Variants in TENM3 observed in about 807,000 individuals in gnomAD.
TENM3 encodes teneurin-3.
A neutral mutation model predicts 255.1 loss-of-function variants in TENM3; 63 were observed. The observed-to-expected ratio is 0.25, with a 90% CI of 0.20 to 0.30. TENM3 has a LOEUF of 0.30. TENM3 is among the 10% of genes least tolerant of loss of function. The pLI, the probability that TENM3 is intolerant of heterozygous loss-of-function variation, is 1.00. For missense variants in TENM3, 2,929 were observed against 3,461.1 expected, an observed-to-expected ratio of 0.85 and a Z score of 3.86; for synonymous variants, 1,306 against 1,322.3, an observed-to-expected ratio of 0.99 and a Z score of 0.27.
the TENM3 span, among the ~76,000 whole-genome samples, chr4:181,554,373 G>A: frequency 6.6e-6 from 1 of 152,164 alleles, no homozygotes; most frequent in Non-Finnish European, 1.5e-5. Context: ...CTTCCTGCTT[G>A]TAACTCACTC....
the TENM3 span, among the ~76,000 whole-genome samples, chr4:181,895,866 C>A: frequency 6.6e-6 from 1 of 152,000 alleles, no homozygotes; most frequent in African/African-American, 2.4e-5. Flanking sequence ...TCTATATAAA[C>A]CTTTCCCCTC....
At chr4:181,491,106 CTA>C in the TENM3 span, among the ~76,000 whole-genome samples, 110 of 151,776 alleles carry the variant, frequency 7.2e-4, 1 homozygote, top group African/African-American at 2.6e-3. Flanking sequence ...TAAAAAAAAT[CTA>C]TGGTCTACCT....
chr4:181,816,838 C>T, the TENM3 span, among the ~76,000 whole-genome samples: 1 of 152,340 alleles, frequency 6.6e-6, no homozygotes, highest in Non-Finnish European at 1.5e-5. Flanking sequence ...CTTATCCTCT[C>T]TTGGCTAGAT....
the TENM3 span, among the ~76,000 whole-genome samples, chr4:181,808,998 G>T: frequency 6.6e-6 from 1 of 152,148 alleles, no homozygotes; most frequent in Non-Finnish European, 1.5e-5. Context: ...CAAAAGCCAC[G>T]CCAAATATTT....
chr4:181,699,074 G>A, the TENM3 span, among the ~76,000 whole-genome samples: 1 of 152,098 alleles, frequency 6.6e-6, no homozygotes, highest in African/African-American at 2.4e-5. Context: ...GTGTTAGTGT[G>A]TCTACTCCAG....
chr4:182,691,197 T>G lies in TENM3; in HGVS notation c.2221+2846T>G, dbSNP rs538510017. ...ACACCCAGGAAACTCTGGTGTGTTT[T>G]CTCACTTGGGATGGTTACTGTTCTT... On this transcript the variant is annotated intron_variant, in intron 12 of 27. Transcript: ENST00000511685. Among the ~76,000 whole-genome samples, 6 of 152,378 alleles carry G rather than the reference T, an allele frequency of 3.9e-5. No homozygotes were observed. In the East Asian group the frequency reaches 7.7e-4, roughly 20 times the overall value.
At chr4:181,843,371 C>G in the TENM3 span, among the ~76,000 whole-genome samples, 1 of 152,118 alleles carries the variant, frequency 6.6e-6, no homozygotes, top group Non-Finnish European at 1.5e-5. Context: ...GTAATATGTT[C>G]AATAACTCAT....
the TENM3 span, among the ~76,000 whole-genome samples, chr4:181,987,644 G>C: frequency 4.6e-5 from 7 of 151,988 alleles, no homozygotes; most frequent in Non-Finnish European, 8.8e-5. Context: ...TTTTGGTTTC[G>C]TTATTTTTCT....
chr4:182,463,727 G>T (rs920019506), intron 3 of TENM3, among the ~76,000 whole-genome samples: 2 of 151,858 alleles, frequency 1.3e-5, no homozygotes, highest in African/African-American at 4.8e-5. Context: ...GGGTTCAAGT[G>T]ATTCTCCTGC....
At chr4:181,764,282 CA>C in the TENM3 span, among the ~76,000 whole-genome samples, 1 of 152,062 alleles carries the variant, frequency 6.6e-6, no homozygotes, top group African/African-American at 2.4e-5. Flanking sequence ...GCATGGTTGG[CA>C]AACATGGTAA....
chr4:181,563,494 A>G, the TENM3 span, among the ~76,000 whole-genome samples: 2 of 152,194 alleles, frequency 1.3e-5, no homozygotes, highest in Admixed American at 6.5e-5. Flanking sequence ...AGATATTGCT[A>G]TTGAACATCA....
chr4:182,561,946 A>G (rs908317793), intron 3 of TENM3, among the ~76,000 whole-genome samples: 2 of 151,978 alleles, frequency 1.3e-5, no homozygotes, highest in African/African-American at 4.8e-5. Context: ...GCATATATGT[A>G]TATAAACAAT....
intron 12 of TENM3, among the ~76,000 whole-genome samples, chr4:182,691,726 TAC>T (rs1757021573): frequency 6.6e-6 from 1 of 152,210 alleles, no homozygotes; most frequent in African/African-American, 2.4e-5. Context: ...AGGAGAAATC[TAC>T]TTTTAGCAAT....
chr4:182,564,413 C>T (rs1338158379), intron 3 of TENM3, among the ~76,000 whole-genome samples: 2 of 152,114 alleles, frequency 1.3e-5, no homozygotes. Flanking sequence ...CTTGGCCTCC[C>T]AAAGTGCTGG....
chr4:182,776,031 A>C (rs1208082565), intron 24 of TENM3, among the ~76,000 whole-genome samples: 1 of 152,222 alleles, frequency 6.6e-6, no homozygotes, highest in Non-Finnish European at 1.5e-5. Context: ...ATATATATAT[A>C]GCTATATTGC....
intron 12 of TENM3, among the ~76,000 whole-genome samples, chr4:182,711,398 G>C (rs1758738665): frequency 6.6e-6 from 1 of 152,132 alleles, no homozygotes; most frequent in Non-Finnish European, 1.5e-5. Context: ...GACTACATTT[G>C]CTAAAAATGT....
At chr4:182,244,696 T>G (rs1405756566) in intron 1 of TENM3, among the ~76,000 whole-genome samples, 1 of 152,198 alleles carries the variant, frequency 6.6e-6, no homozygotes, top group East Asian at 1.9e-4. Context: ...TGTCATAGAT[T>G]TGTGTAATTC....
chr4:182,295,697 C>A (rs757144000), intron 1 of TENM3, among the ~76,000 whole-genome samples: 2 of 152,100 alleles, frequency 1.3e-5, no homozygotes, highest in Non-Finnish European at 2.9e-5. Flanking sequence ...TAAGGGGAAG[C>A]AGTAAAAATT....
At chr4:182,391,048 A>G (rs1768390515) in intron 3 of TENM3, among the ~76,000 whole-genome samples, 1 of 152,160 alleles carries the variant, frequency 6.6e-6, no homozygotes, top group South Asian at 2.1e-4. Flanking sequence ...ATTGCATATA[A>G]TTATTTAATG....
Sources: gnomAD v4.1 joint callset for allele counts (sites outside exome capture counted in the v4.1 genomes callset) on GRCh38, gnomAD v4.1.1 for gene constraint, MANE v1.5 for transcripts, NCBI Gene and HGNC (gene_info 2026-07-23, HGNC 2026-07-21) for gene names.